The following IL1RAPL2 variants were observed in gnomAD, a reference collection of about 807,000 sequenced individuals.
IL1RAPL2 encodes X-linked interleukin-1 receptor accessory protein-like 2.
A neutral mutation model predicts 44.1 loss-of-function variants in IL1RAPL2; 3 were observed. The observed-to-expected ratio is 0.07, with a 90% confidence interval of 0.03 to 0.18. IL1RAPL2 has a LOEUF of 0.18. IL1RAPL2 is among the 10% of genes least tolerant of loss of function. The probability of loss-of-function intolerance (pLI) is 1.00; values close to 1 mark genes in which losing one functional copy is unlikely to be tolerated. For synonymous variants in IL1RAPL2, 181 were observed against 178.8 expected (o/e 1.01, Z -0.10); for missense variants, 391 against 496.4 (o/e 0.79, Z 2.02).
chrX:104,977,203 T>C (rs1249670131), intron 2 of IL1RAPL2, among the ~76,000 whole-genome samples: 1 of 111,775 alleles, frequency 8.9e-6, no homozygotes, highest in Non-Finnish European at 1.9e-5. Flanking sequence ...CAGGTTCCCT[T>C]AACTTAGGTT....
In IL1RAPL2 at chrX:105,138,328, C is replaced by A. The variant is rs761887941; in HGVS notation, c.83-57147C>A. ...AAATGCTGCCTTACAGGAATTAAGG[C>A]ATTCATTTATTTTTTCAGTCTTTTA... is the stretch of plus-strand genomic sequence containing the variant. On this transcript the variant is annotated intron_variant, in intron 2 of 10. Transcript: ENST00000372582. 1.5e-3 allele frequency among the ~76,000 whole-genome samples: 169 copies of A among 110,612 alleles called. 1 individual carries two copies. Among genetic ancestry groups the A allele is most frequent in the African/African-American group, 5.2e-3 (158 of 30,478 alleles).
At chrX:105,527,688 T>C (rs1003110370) in intron 6 of IL1RAPL2, among the ~76,000 whole-genome samples, 9 of 111,135 alleles carry the variant, frequency 8.1e-5, no homozygotes, top group Non-Finnish European at 1.5e-4. Flanking sequence ...ACTAAATACA[T>C]GGCAAATTGG....
At chrX:104,905,805 A>G (rs764986159) in intron 2 of IL1RAPL2, among the ~76,000 whole-genome samples, 52 of 111,198 alleles carry the variant, frequency 4.7e-4, no homozygotes, top group African/African-American at 1.5e-3. Flanking sequence ...TTGGTTCCCT[A>G]TGAACTTTAA....
intron 3 of IL1RAPL2, among the ~76,000 whole-genome samples, chrX:105,214,103 C>A (rs193265548): frequency 3.2e-3 from 330 of 103,155 alleles, no homozygotes; most frequent in Non-Finnish European, 5.9e-3. Flanking sequence ...ATGACAGGAT[C>A]AAATTCACAC....
intron 2 of IL1RAPL2, among the ~76,000 whole-genome samples, chrX:104,904,574 T>G (rs1326608371): frequency 7.4e-5 from 8 of 107,714 alleles, no homozygotes; most frequent in Non-Finnish European, 1.5e-4. Flanking sequence ...GTTCTTGTGA[T>G]AGTTTACTGA....
At chrX:105,370,419 T>G (rs57212840) in intron 5 of IL1RAPL2, among the ~76,000 whole-genome samples, 14,454 of 111,056 alleles carry the variant, frequency 0.13, 2,311 homozygotes, top group African/African-American at 0.45. Context: ...TTGTTCCCTT[T>G]TTTTGTGTCC....
At chrX:104,685,324 C>A (rs375203896) in intron 2 of IL1RAPL2, among the ~76,000 whole-genome samples, 4 of 111,882 alleles carry the variant, frequency 3.6e-5, no homozygotes, top group African/African-American at 1.3e-4. Context: ...AAAATTTGTT[C>A]TCTTCTTGCT....
chrX:104,781,271 A>G (rs762993292), intron 2 of IL1RAPL2, among the ~76,000 whole-genome samples: 1 of 110,945 alleles, frequency 9.0e-6, no homozygotes, highest in Non-Finnish European at 1.9e-5. Context: ...CACTTTACAG[A>G]TGAGGAAATT....
chrX:105,223,473 C>A (rs1263925326), intron 3 of IL1RAPL2, among the ~76,000 whole-genome samples: 1 of 112,086 alleles, frequency 8.9e-6, no homozygotes, highest in African/African-American at 3.2e-5. Flanking sequence ...TACCTTATCT[C>A]TTTTATTCCC....
chrX:105,536,643 A>G (rs1006362834), intron 6 of IL1RAPL2, among the ~76,000 whole-genome samples: 2 of 111,165 alleles, frequency 1.8e-5, no homozygotes, highest in South Asian at 3.7e-4. Context: ...CCAGCACAAC[A>G]TAGTACATTT....
chrX:105,331,487 A>G (rs1405819707), intron 5 of IL1RAPL2, among the ~76,000 whole-genome samples: 1 of 111,746 alleles, frequency 8.9e-6, no homozygotes, highest in East Asian at 2.8e-4. Flanking sequence ...TTTAAACCAA[A>G]GTAACCAAAG....
At chrX:104,567,844 G>A (rs888470557) in intron 1 of IL1RAPL2, among the ~76,000 whole-genome samples, 5 of 112,256 alleles carry the variant, frequency 4.5e-5, no homozygotes, top group Non-Finnish European at 9.4e-5. Context: ...ACCATCAGAC[G>A]TTTAAGAAAA....
At chrX:105,470,339 G>T (rs1204845432) in intron 5 of IL1RAPL2, among the ~76,000 whole-genome samples, 3 of 111,877 alleles carry the variant, frequency 2.7e-5, no homozygotes, top group African/African-American at 9.7e-5. Flanking sequence ...AAAGGTAACA[G>T]AATTGTTCAA....
chrX:105,312,977 G>A (rs1345389426), intron 5 of IL1RAPL2, among the ~76,000 whole-genome samples: 7 of 111,555 alleles, frequency 6.3e-5, no homozygotes, highest in African/African-American at 2.3e-4. Flanking sequence ...ATGAACAAGA[G>A]GTATAAAATA....
At chrX:105,750,174 G>A (rs2038583708) in intron 9 of IL1RAPL2, among the ~76,000 whole-genome samples, 1 of 109,921 alleles carries the variant, frequency 9.1e-6, no homozygotes, top group South Asian at 3.8e-4. Context: ...TGATCATATG[G>A]GTGGGTTTTA....
intron 6 of IL1RAPL2, among the ~76,000 whole-genome samples, chrX:105,489,801 C>T (rs953850939): frequency 1.0e-5 from 1 of 99,698 alleles, no homozygotes; most frequent in African/African-American, 3.7e-5. Flanking sequence ...CTCTCTCTCT[C>T]TCTCTCTCTC....
intron 2 of IL1RAPL2, among the ~76,000 whole-genome samples, chrX:104,858,428 A>G (rs977557419): frequency 8.9e-6 from 1 of 112,058 alleles, no homozygotes; most frequent in Non-Finnish European, 1.9e-5. Context: ...TCAGACCCAA[A>G]TGTTAATTTT....
intron 6 of IL1RAPL2, among the ~76,000 whole-genome samples, chrX:105,549,920 C>T (rs2036838254): frequency 8.9e-6 from 1 of 111,951 alleles, no homozygotes; most frequent in African/African-American, 3.2e-5. Flanking sequence ...TTCAGTTTTC[C>T]ATTTCTTCAA....
chrX:105,290,535 T>C lies in IL1RAPL2; in HGVS notation c.697+22994T>C, dbSNP rs746939285. On this transcript the variant is annotated intron_variant, in intron 5 of 10. Coordinates refer to ENST00000372582, the MANE Select transcript of IL1RAPL2 (RefSeq NM_017416.2). Reference sequence around the variant, plus strand: ...ATCTTGAAAGGTGGATTGTAATTTATCAAGTGGACAAGTTGAAGAAGGACT... The same window carrying C: ...ATCTTGAAAGGTGGATTGTAATTTACCAAGTGGACAAGTTGAAGAAGGACT... Among the ~76,000 whole-genome samples the C allele has an allele frequency of 7.2e-5, 8 of 111,758 alleles. No individual in the cohort carries two copies. The East Asian group carries it at 2.3e-3, about 32-fold the overall frequency.
Sources: allele counts gnomAD v4.1 joint callset (sites outside exome capture counted in the v4.1 genomes callset), GRCh38; gene constraint gnomAD v4.1.1; transcripts MANE v1.5; gene names NCBI Gene and HGNC (gene_info 2026-07-23, HGNC 2026-07-21).